C11orf65: variants seen among roughly 807,000 people sequenced by gnomAD.
C11orf65 encodes protein MFI.
C11orf65 carries 38 observed loss-of-function variants against 35.3 expected under a neutral mutation model. The ratio of observed to expected loss-of-function variants is 1.08; its 90% confidence interval spans 0.83 to 1.41. The LOEUF is 1.41. Ranked by LOEUF, C11orf65 falls within the 40% of genes most tolerant of loss-of-function variation. The pLI is 0.00. For missense variants in C11orf65, 370 were observed against 367.1 expected (o/e 1.01, Z -0.06); for synonymous variants, 105 against 114.4 (o/e 0.92, Z 0.53).
At chr11:108,454,869 T>C (rs2093394314) in intron 2 of C11orf65, among the ~76,000 whole-genome samples, 2 of 152,240 alleles carry the variant, frequency 1.3e-5, no homozygotes. Context: ...CTAGTTTTTA[T>C]TTCAATCATT....
chr11:108,366,578 G>A (rs574005162), intron 2 of C11orf65: 1 of 229,778 alleles, frequency 4.4e-6, no homozygotes, highest in African/African-American at 2.2e-5. Flanking sequence ...TTTATCTATG[G>A]GAATCTTGAG....
intron 2 of C11orf65, among the ~76,000 whole-genome samples, chr11:108,460,549 C>A (rs1392134482): frequency 6.6e-6 from 1 of 152,176 alleles, no homozygotes; most frequent in Non-Finnish European, 1.5e-5. Context: ...CATCTGCTCA[C>A]AATGCTGGTT....
chr11:108,427,761 T>C (rs2092926362), intron 3 of C11orf65, among the ~76,000 whole-genome samples: 1 of 138,512 alleles, frequency 7.2e-6, no homozygotes, highest in Admixed American at 7.4e-5. Context: ...TCATTACTGG[T>C]CATTAGAGAA....
At chr11:108,359,390 G>A (rs2090431857) in intron 2 of C11orf65, among the ~76,000 whole-genome samples, 1 of 152,042 alleles carries the variant, frequency 6.6e-6, no homozygotes, top group Non-Finnish European at 1.5e-5. Context: ...AGATCAACGA[G>A]ATAAAAAGTC....
intron 3 of C11orf65, among the ~76,000 whole-genome samples, chr11:108,412,858 A>T (rs1421365393): frequency 1.3e-5 from 2 of 152,234 alleles, no homozygotes; most frequent in African/African-American, 4.8e-5. Context: ...AACTGTCAGG[A>T]CTAAATGGAG....
chr11:108,327,093 G>T (rs1460810950), downstream of C11orf65, among the ~76,000 whole-genome samples: 1 of 152,178 alleles, frequency 6.6e-6, no homozygotes, highest in African/African-American at 2.4e-5. Flanking sequence ...CTCTGAAAGT[G>T]CTGGGATTAC....
rs116573006 is a variant in C11orf65 at position 108,465,240 on chromosome 11, C to T, written c.-10+2231G>A. On this transcript the variant is annotated intron_variant, in intron 1 of 8. Transcript: ENST00000393084. The stretch of plus-strand genomic sequence containing the variant: ...ATACTTTGATCTAAATAATTTTACA[C>T]GGGCTTTCTGCATACACCTGCTTCC... 7.6e-3 allele frequency among the ~76,000 whole-genome samples: 1,154 copies of T among 152,256 alleles called. 9 individuals are homozygous for T. Among genetic ancestry groups the T allele is most frequent in the African/African-American group, 0.025 (1,019 of 41,542 alleles).
intron 6 of C11orf65, chr11:108,321,474 T>C: frequency 1.2e-6 from 2 of 1,612,122 alleles, no homozygotes; most frequent in South Asian, 2.2e-5. Context: ...CTGTTACCAA[T>C]AGTGACTTTA....
In C11orf65 at chr11:108,405,441, C is replaced by T. The variant is rs17857489; in HGVS notation, c.548G>A (p.Trp183Ter). 7 of 1,611,898 alleles carry T rather than the reference C, an allele frequency of 4.3e-6. No individual in the cohort carries two copies. Among genetic ancestry groups the T allele is most frequent in the South Asian group, 3.3e-5 (3 of 90,210 alleles). The stretch of plus-strand genomic sequence containing the variant: ...TTCATCAACTTACATTTGCCTCATC[C>T]ACTCTATTTTTCTAAGTTTTCTTTT... ...EKKRKLRKIE[W>*]MRQMYYSGSL... Residue 183 changes from tryptophan to a stop codon, truncating the protein, a stop_gained, in exon 6 of 9, where the codon TGG (tryptophan) becomes TAG (stop). Coordinates refer to ENST00000393084, the MANE Select transcript of C11orf65 (RefSeq NM_152587.5). LOFTEE classifies it high-confidence loss of function.
intron 3 of C11orf65, 46 bp from the exon 4 acceptor site, chr11:108,407,195 G>A (rs1565657566): frequency 9.3e-6 from 12 of 1,295,210 alleles, no homozygotes; most frequent in Non-Finnish European, 1.3e-5. Context: ...TCAGGATTCT[G>A]TATGTATCAA....
chr11:108,426,935 G>A (rs1389536654), intron 3 of C11orf65, among the ~76,000 whole-genome samples: 2 of 152,140 alleles, frequency 1.3e-5, no homozygotes, highest in Admixed American at 1.3e-4. Flanking sequence ...AAGCAATGGG[G>A]AAAAGATTTC....
chr11:108,417,566 A>G (rs77120162), intron 3 of C11orf65, among the ~76,000 whole-genome samples: 1 of 148,778 alleles, frequency 6.7e-6, no homozygotes, highest in Non-Finnish European at 1.5e-5. Flanking sequence ...AAAACAAACA[A>G]ACAAAAAAAA....
chr11:108,309,453 G>A (rs2083959805), intron 6 of C11orf65, among the ~76,000 whole-genome samples: 1 of 152,162 alleles, frequency 6.6e-6, no homozygotes, highest in South Asian at 2.1e-4. Context: ...GCATTTGCAA[G>A]TAAGGAAACT....
chr11:108,435,832 C>T (rs1398721356), intron 2 of C11orf65, among the ~76,000 whole-genome samples: 1 of 152,136 alleles, frequency 6.6e-6, no homozygotes, highest in African/African-American at 2.4e-5. Context: ...CAGCATAACG[C>T]TCCCTAACAA....
At chr11:108,352,412 A>T (rs2089313904) in intron 2 of C11orf65, among the ~76,000 whole-genome samples, 1 of 152,226 alleles carries the variant, frequency 6.6e-6, no homozygotes. Context: ...CAGAATGAGG[A>T]GACAGAAGAA....
downstream of C11orf65, chr11:108,327,611 C>A (rs771460194): frequency 6.6e-7 from 1 of 1,516,448 alleles, no homozygotes; most frequent in South Asian, 1.1e-5. Flanking sequence ...CATGGTAATG[C>A]ATTATATTTT....
intron 2 of C11orf65, chr11:108,366,397 T>G: frequency 4.6e-6 from 1 of 215,802 alleles, no homozygotes; most frequent in Non-Finnish European, 9.2e-6. Flanking sequence ...ATTTTTAATG[T>G]TTTTTTAATG....
At chr11:108,431,723 A>G (rs747070905) in intron 3 of C11orf65, 23 bp downstream of exon 3, 22 of 1,215,136 alleles carry the variant, frequency 1.8e-5, no homozygotes, top group African/African-American at 1.5e-4. Flanking sequence ...ATAGGATGCT[A>G]TATCAATAAG....
chr11:108,469,450 A>AT (rs1318558800), upstream of C11orf65, among the ~76,000 whole-genome samples: 3 of 151,578 alleles, frequency 2.0e-5, no homozygotes, highest in East Asian at 2.0e-4. Flanking sequence ...TTTAGATATT[A>AT]TTTTTATTAG....
Sources: gnomAD v4.1 joint callset for allele counts (sites outside exome capture counted in the v4.1 genomes callset) on GRCh38, gnomAD v4.1.1 for gene constraint, MANE v1.5 for transcripts, NCBI Gene and HGNC (gene_info 2026-07-23, HGNC 2026-07-21) for gene names.